TOX: variants seen among roughly 807,000 people sequenced by gnomAD.
TOX encodes thymocyte selection-associated high mobility group box protein TOX.
A neutral mutation model predicts 53.7 loss-of-function variants in TOX; 11 were observed. That is an observed-to-expected ratio of 0.20 (90% CI 0.13 to 0.34). The LOEUF (loss-of-function observed/expected upper bound fraction) is 0.34. Ranked by LOEUF, TOX falls within the 10% of genes least tolerant of loss-of-function variation. The pLI is 1.00. For synonymous variants in TOX, 225 were observed against 245.3 expected (o/e 0.92, Z 0.77); for missense variants, 570 against 664.6 (o/e 0.86, Z 1.56).
chr8:58,926,989 C>G (rs1812173109), intron 3 of TOX, among the ~76,000 whole-genome samples: 1 of 151,928 alleles, frequency 6.6e-6, no homozygotes, highest in African/African-American at 2.4e-5. Context: ...AATGCTAATC[C>G]TGTATCCAGC....
intron 1 of TOX, among the ~76,000 whole-genome samples, chr8:59,078,146 C>T (rs1280036678): frequency 2.6e-5 from 4 of 152,212 alleles, no homozygotes; most frequent in African/African-American, 9.6e-5. Context: ...CAAGTAGAGT[C>T]TCACAGGCCA....
chr8:59,009,394 A>T (rs1346882884), intron 1 of TOX, among the ~76,000 whole-genome samples: 5 of 143,694 alleles, frequency 3.5e-5, no homozygotes, highest in African/African-American at 1.3e-4. Flanking sequence ...CTTTTTTTTG[A>T]CAGAGTCTCA....
intron 1 of TOX, among the ~76,000 whole-genome samples, chr8:59,018,839 C>T (rs1814065228): frequency 6.6e-6 from 1 of 151,946 alleles, no homozygotes; most frequent in African/African-American, 2.4e-5. Context: ...CTCAACAATC[C>T]CACTATGACT....
rs1554539852 is a variant in TOX, at chr8:59,021,481, A to AT, written c.103-61474_103-61473insA. On this transcript the variant is annotated intron_variant, in intron 1 of 8. Coordinates refer to ENST00000361421, the MANE Select transcript of TOX (RefSeq NM_014729.3). ...CTACAAGCAAAAAAAAAAAAAAAAA[A>AT]ATATATATATATATATATGCACATA... Among the ~76,000 whole-genome samples, 202 of 64,718 alleles carry AT rather than the reference A, an allele frequency of 3.1e-3. 2 individuals are homozygous for AT. The highest frequency in any genetic ancestry group is 3.7e-3 in the Non-Finnish European group (119 of 32,206). The allele number at this position is 64,718 out of a possible 152,430, so 42.5% of individuals were successfully genotyped here.
At chr8:58,855,166 C>G (rs758955995) in intron 3 of TOX, among the ~76,000 whole-genome samples, 4 of 152,116 alleles carry the variant, frequency 2.6e-5, no homozygotes, top group African/African-American at 4.8e-5. Flanking sequence ...TTTTCTACAA[C>G]GTCCCACCTC....
At chr8:58,986,861 A>G (rs555739127) in intron 1 of TOX, among the ~76,000 whole-genome samples, 10 of 152,332 alleles carry the variant, frequency 6.6e-5, no homozygotes, top group African/African-American at 2.4e-4. Context: ...AAAGGGCTGA[A>G]TAAGAAAAAA....
rs1805140554 is a variant in TOX at position 59,118,142 on chromosome 8, C to T, written c.102+744G>A. On this transcript the variant is annotated intron_variant, in intron 1 of 8. Coordinates refer to ENST00000361421, the MANE Select transcript of TOX (RefSeq NM_014729.3). This position sits in a 1 kb window ranked among gnomAD's most constrained non-coding sequence, Gnocchi z 4.1. ...CGAGGTCAGCGGGCCGTGGGTACAG[C>T]TCAGCCGCGGACCCTGCTCCGCGAG... Among the ~76,000 whole-genome samples, 4 of 152,250 alleles carry T rather than the reference C, an allele frequency of 2.6e-5. No individual in the cohort carries two copies. Among genetic ancestry groups the T allele is most frequent in the Admixed American group, 2.0e-4 (3 of 15,292 alleles).
intron 1 of TOX, among the ~76,000 whole-genome samples, chr8:59,046,691 C>T (rs1803687816): frequency 6.6e-6 from 1 of 151,720 alleles, no homozygotes; most frequent in Non-Finnish European, 1.5e-5. Context: ...AACTCCACCT[C>T]TACTAAAAAT....
At chr8:59,054,339 A>G (rs1012991201) in intron 1 of TOX, among the ~76,000 whole-genome samples, 1 of 152,216 alleles carries the variant, frequency 6.6e-6, no homozygotes, top group African/African-American at 2.4e-5. Flanking sequence ...GAAGGCAAGA[A>G]AACATTTTCA....
intron 1 of TOX, among the ~76,000 whole-genome samples, chr8:59,010,237 T>A (rs189574629): frequency 0.081 from 12,364 of 152,226 alleles, 539 homozygotes; most frequent in Middle Eastern, 0.16. Context: ...TAATCTTAGA[T>A]CACTGCAAAT....
intron 1 of TOX, among the ~76,000 whole-genome samples, chr8:59,012,884 G>A (rs1813933971): frequency 6.8e-6 from 1 of 146,814 alleles, no homozygotes; most frequent in African/African-American, 2.5e-5. Context: ...TTCCCAGACA[G>A]CGTACTCTTT....
chr8:58,856,596 G>A (rs943498360), intron 3 of TOX, among the ~76,000 whole-genome samples: 1 of 152,100 alleles, frequency 6.6e-6, no homozygotes, highest in Non-Finnish European at 1.5e-5. Context: ...TTTTCCTTTT[G>A]TGCTGAAAAA....
chr8:59,096,039 A>G (rs1478589633), intron 1 of TOX, among the ~76,000 whole-genome samples: 1 of 152,196 alleles, frequency 6.6e-6, no homozygotes, highest in Admixed American at 6.5e-5. Flanking sequence ...TCTCCCCAAC[A>G]GTGTTGTTAT....
chr8:58,869,479 C>T (rs1048786805), intron 3 of TOX, among the ~76,000 whole-genome samples: 10 of 152,030 alleles, frequency 6.6e-5, no homozygotes, highest in Non-Finnish European at 1.5e-4. Flanking sequence ...TATACCAATT[C>T]TCCACAATAT....
chr8:59,055,944 AT>A (rs1803881471), intron 1 of TOX, among the ~76,000 whole-genome samples: 3 of 152,136 alleles, frequency 2.0e-5, no homozygotes, highest in Non-Finnish European at 4.4e-5. Flanking sequence ...AATCATAAAA[AT>A]TTTTACCCCT....
intron 2 of TOX, among the ~76,000 whole-genome samples, chr8:58,945,965 T>C (rs1417068042): frequency 6.6e-6 from 1 of 152,112 alleles, no homozygotes; most frequent in African/African-American, 2.4e-5. Context: ...ATTCAAAAGA[T>C]ATCATCTCGT....
intron 6 of TOX, among the ~76,000 whole-genome samples, chr8:58,816,253 T>C (rs1810176197): frequency 6.6e-6 from 1 of 152,220 alleles, no homozygotes; most frequent in South Asian, 2.1e-4. Flanking sequence ...AATACCTTTC[T>C]GAAGTCATAT....
At chr8:58,962,711 T>C (rs1335277540) in intron 1 of TOX, among the ~76,000 whole-genome samples, 1 of 152,118 alleles carries the variant, frequency 6.6e-6, no homozygotes, top group Non-Finnish European at 1.5e-5. Flanking sequence ...GAGGCTAAGG[T>C]GGGAGGACTG....
intron 1 of TOX, among the ~76,000 whole-genome samples, chr8:59,085,375 A>G (rs1804488647): frequency 1.4e-5 from 2 of 147,106 alleles, no homozygotes; most frequent in East Asian, 3.9e-4. Flanking sequence ...TGAAATCATA[A>G]TTTTCTTTTT....
Sources: gnomAD v4.1 joint callset for allele counts (sites outside exome capture counted in the v4.1 genomes callset) on GRCh38, gnomAD v4.1.1 for gene constraint, Gnocchi (gnomAD v3.1) non-coding constraint, MANE v1.5 for transcripts, NCBI Gene and HGNC (gene_info 2026-07-23, HGNC 2026-07-21) for gene names.